GPC6: variants seen among roughly 807,000 people sequenced by gnomAD.
The protein encoded by GPC6 is glypican 6.
Under a neutral mutation model 55.2 loss-of-function variants are expected in GPC6, and 14 were observed. The ratio of observed to expected loss-of-function variants is 0.25; its 90% CI spans 0.17 to 0.40. GPC6 has a LOEUF of 0.40. Among genes scored for constraint, GPC6 ranks in the 10% least tolerant of loss-of-function variants. The pLI is 1.00. For synonymous variants in GPC6, 278 were observed against 259.6 expected, an observed-to-expected ratio of 1.07 and a Z score of -0.68; for missense variants, 641 against 708.5, an observed-to-expected ratio of 0.90 and a Z score of 1.08.
intron 2 of GPC6, among the ~76,000 whole-genome samples, chr13:93,743,827 T>G (rs1358802746): frequency 6.6e-6 from 1 of 152,190 alleles, no homozygotes; most frequent in African/African-American, 2.4e-5. Context: ...CTTGCTTTCA[T>G]TGGTATTGTG....
At position 93,907,341 on chromosome 13, in the gene GPC6, C is replaced by T. The variant is rs1288501668; in HGVS notation, c.711+76796C>T. 2.0e-5 allele frequency among the ~76,000 whole-genome samples: 3 copies of T among 152,126 alleles called. No homozygotes were observed. In the South Asian group the frequency reaches 6.2e-4, roughly 31 times the overall value. On this transcript the variant is annotated intron_variant, in intron 3 of 8. Coordinates refer to ENST00000377047, the MANE Select transcript of GPC6 (RefSeq NM_005708.5). The stretch of plus-strand genomic sequence containing the variant: ...TGGTGCAAAAATAAAATTTTCTCTT[C>T]CATTTTCAATGGGATACATTATAGT...
At chr13:93,413,375 C>T (rs1464682150) in intron 1 of GPC6, among the ~76,000 whole-genome samples, 2 of 151,996 alleles carry the variant, frequency 1.3e-5, no homozygotes, top group South Asian at 2.1e-4. Flanking sequence ...CTGTGTATAA[C>T]CCTCTGAGTG....
At chr13:93,977,518 G>GT (rs1566631065) in intron 3 of GPC6, among the ~76,000 whole-genome samples, 76 of 93,216 alleles carry the variant, frequency 8.2e-4, no homozygotes, top group African/African-American at 2.2e-3. Context: ...GTGTGTGTGT[G>GT]GTGTGTCTTT....
intron 2 of GPC6, among the ~76,000 whole-genome samples, chr13:93,546,364 T>A (rs1049243677): frequency 8.5e-5 from 13 of 152,228 alleles, no homozygotes; most frequent in Non-Finnish European, 1.8e-4. Flanking sequence ...ATTTTCTGTG[T>A]AGTAGGTAAA....
intron 1 of GPC6, among the ~76,000 whole-genome samples, chr13:93,260,569 AT>A: frequency 6.6e-6 from 1 of 152,240 alleles, no homozygotes; most frequent in Non-Finnish European, 1.5e-5. Context: ...CATGTCCTCA[AT>A]TTATAATATT....
chr13:94,152,132 A>G (rs1887764587), intron 4 of GPC6, among the ~76,000 whole-genome samples: 1 of 152,188 alleles, frequency 6.6e-6, no homozygotes, highest in East Asian at 1.9e-4. Context: ...TATGGCAGCC[A>G]CAAATGTGGC....
chr13:93,869,812 G>A (rs1172548132), intron 3 of GPC6, among the ~76,000 whole-genome samples: 1 of 151,740 alleles, frequency 6.6e-6, no homozygotes, highest in African/African-American at 2.4e-5. Context: ...GAGTGGCATG[G>A]TTTTGTAATT....
At chr13:93,988,457 A>G (rs1197916931) in intron 3 of GPC6, among the ~76,000 whole-genome samples, 1 of 152,178 alleles carries the variant, frequency 6.6e-6, no homozygotes, top group Non-Finnish European at 1.5e-5. Context: ...TTAATGCATT[A>G]CGTTAAATGA....
chr13:94,105,217 G>A (rs2138831538), intron 4 of GPC6, among the ~76,000 whole-genome samples: 1 of 152,158 alleles, frequency 6.6e-6, no homozygotes, highest in East Asian at 1.9e-4. Context: ...AAATTATCTG[G>A]ATGTAGTTTG....
At chr13:93,711,268 C>T (rs1883049341) in intron 2 of GPC6, among the ~76,000 whole-genome samples, 1 of 151,862 alleles carries the variant, frequency 6.6e-6, no homozygotes, top group East Asian at 2.0e-4. Context: ...GAGGAGACCT[C>T]ACAATCATGG....
At chr13:93,378,030 C>A (rs1204849230) in intron 1 of GPC6, among the ~76,000 whole-genome samples, 1 of 152,128 alleles carries the variant, frequency 6.6e-6, no homozygotes, top group Non-Finnish European at 1.5e-5. Context: ...TTCTAATTTG[C>A]TTTTTATTTG....
chr13:94,242,046 C>T (rs1311369004), intron 4 of GPC6, among the ~76,000 whole-genome samples: 1 of 151,952 alleles, frequency 6.6e-6, no homozygotes, highest in Non-Finnish European at 1.5e-5. Flanking sequence ...TTAGGTATAT[C>T]TCCTAATGCT....
At chr13:94,199,757 G>C (rs578201290) in intron 4 of GPC6, among the ~76,000 whole-genome samples, 1 of 152,292 alleles carries the variant, frequency 6.6e-6, no homozygotes, top group Admixed American at 6.5e-5. Flanking sequence ...TTGGTTGATA[G>C]AATGCACCTG....
At chr13:93,918,760 C>A (rs1234653129) in intron 3 of GPC6, among the ~76,000 whole-genome samples, 1 of 152,156 alleles carries the variant, frequency 6.6e-6, no homozygotes, top group East Asian at 1.9e-4. Flanking sequence ...TTAACCTGAT[C>A]CAGCAGATGT....
In GPC6 at chr13:93,510,961, A is replaced by ATATATATGTG. The variant is rs1555306596; in HGVS notation, c.161-34295_161-34294insGTGTATATAT. ...GTTTTCTTTTGAGAAATATATATAT[A>ATATATATGTG]TATATATATGTGTATATATATATGT... On this transcript the variant is annotated intron_variant, in intron 1 of 8. Transcript: ENST00000377047. Among the ~76,000 whole-genome samples the ATATATATGTG allele has an allele frequency of 2.2e-3, 208 of 96,576 alleles. 33 individuals carry two copies. The highest frequency in any genetic ancestry group is 9.3e-3 in the East Asian group (29 of 3,130). 63.4% of individuals were successfully genotyped at this position (96,576 alleles called of 152,430 possible).
intron 4 of GPC6, among the ~76,000 whole-genome samples, chr13:94,040,105 CTT>C (rs1883478149): frequency 6.6e-6 from 1 of 151,762 alleles, no homozygotes; most frequent in Admixed American, 6.6e-5. Context: ...TTGGTTATGA[CTT>C]TTTGCAATTC....
chr13:93,710,930 C>T (rs1404478763), intron 2 of GPC6, among the ~76,000 whole-genome samples: 1 of 151,742 alleles, frequency 6.6e-6, no homozygotes, highest in East Asian at 1.9e-4. Context: ...ATCATATACT[C>T]AATGTTAAAA....
intron 1 of GPC6, among the ~76,000 whole-genome samples, chr13:93,319,255 C>G (rs961708463): frequency 3.3e-5 from 5 of 152,102 alleles, no homozygotes; most frequent in African/African-American, 7.2e-5. Context: ...GCATAGTGTT[C>G]CTAGGCTGTT....
At chr13:94,195,420 G>A (rs745470538) in intron 4 of GPC6, among the ~76,000 whole-genome samples, 1 of 152,182 alleles carries the variant, frequency 6.6e-6, no homozygotes, top group Non-Finnish European at 1.5e-5. Flanking sequence ...ACAAAAGCAT[G>A]TATTATGGTT....
Sources: gnomAD v4.1 joint callset for allele counts (sites outside exome capture counted in the v4.1 genomes callset) on GRCh38, gnomAD v4.1.1 for gene constraint, MANE v1.5 for transcripts, NCBI Gene and HGNC (gene_info 2026-07-23, HGNC 2026-07-21) for gene names.